The following LRRC4C variants were observed in gnomAD, a reference collection of about 807,000 sequenced individuals.
The protein encoded by LRRC4C is leucine-rich repeat-containing protein 4C.
A neutral mutation model predicts 33.6 loss-of-function variants in LRRC4C; 5 were observed. That is an observed-to-expected ratio of 0.15 (90% CI 0.08 to 0.31). The LOEUF (loss-of-function observed/expected upper bound fraction) is 0.31, where lower values mean the gene tolerates loss of function less well. Among genes scored for constraint, LRRC4C ranks in the 10% least tolerant of loss-of-function variants. The pLI, the probability that LRRC4C is intolerant of heterozygous loss-of-function variation, is 1.00. For missense variants in LRRC4C, 560 were observed against 796.7 expected (o/e 0.70, Z 3.58); for synonymous variants, 329 against 302.0 (o/e 1.09, Z -0.93).
chr11:40,368,516 C>A (rs933278330), intron 3 of LRRC4C, among the ~76,000 whole-genome samples: 3 of 152,118 alleles, frequency 2.0e-5, no homozygotes, highest in African/African-American at 7.2e-5. Flanking sequence ...CTAGACAGTA[C>A]GTTTTATATG....
At chr11:41,286,154 G>A (rs538919399) in intron 1 of LRRC4C, among the ~76,000 whole-genome samples, 42 of 152,140 alleles carry the variant, frequency 2.8e-4, no homozygotes, top group African/African-American at 9.9e-4. Flanking sequence ...AAGAGCAAGA[G>A]GCACAACTTC....
chr11:40,764,842 A>C (rs1025146275), intron 2 of LRRC4C, among the ~76,000 whole-genome samples: 2 of 152,212 alleles, frequency 1.3e-5, no homozygotes, highest in African/African-American at 4.8e-5. Context: ...CCAAGGCAGT[A>C]CGTCTACAAG....
intron 3 of LRRC4C, among the ~76,000 whole-genome samples, chr11:40,337,859 G>T (rs898507174): frequency 2.0e-5 from 3 of 152,070 alleles, no homozygotes; most frequent in African/African-American, 7.2e-5. Flanking sequence ...ATACGCCCCA[G>T]TGTGCGTTCT....
At chr11:40,525,107 A>G (rs1955987041) in intron 3 of LRRC4C, among the ~76,000 whole-genome samples, 1 of 152,142 alleles carries the variant, frequency 6.6e-6, no homozygotes, top group Admixed American at 6.5e-5. Context: ...AAATGAGGGA[A>G]TGAAAGAGAT....
intron 4 of LRRC4C, among the ~76,000 whole-genome samples, chr11:40,246,636 A>G (rs1866361106): frequency 6.6e-6 from 1 of 152,150 alleles, no homozygotes; most frequent in African/African-American, 2.4e-5. Flanking sequence ...AAACTGAAAT[A>G]TATCTTCTGT....
chr11:41,088,192 A>G (rs1374145213), intron 1 of LRRC4C, among the ~76,000 whole-genome samples: 2 of 152,106 alleles, frequency 1.3e-5, no homozygotes, highest in East Asian at 1.9e-4. Flanking sequence ...TTGAGTCCCA[A>G]ATAAGTAATT....
chr11:40,765,275 T>C (rs1265008422), intron 2 of LRRC4C, among the ~76,000 whole-genome samples: 1 of 152,130 alleles, frequency 6.6e-6, no homozygotes, highest in Non-Finnish European at 1.5e-5. Context: ...GTTGTGATTG[T>C]TCAAAAGTGT....
chr11:40,752,940 TA>T lies in LRRC4C; in HGVS notation c.-406-104663del, dbSNP rs548504152. The stretch of plus-strand genomic sequence containing the variant: ...TACACAGTGGAATACTATTTAGCCA[TA>T]AAAAAGAATGGAATTATTTTATTGG... On this transcript the variant is annotated intron_variant, in intron 2 of 6. Coordinates refer to ENST00000528697, the MANE Select transcript of LRRC4C (RefSeq NM_001258419.2). 3.5e-3 allele frequency among the ~76,000 whole-genome samples: 534 copies of T among 152,192 alleles called. 4 individuals are homozygous for T. Among genetic ancestry groups the T allele is most frequent in the African/African-American group, 0.012 (501 of 41,550 alleles).
intron 2 of LRRC4C, among the ~76,000 whole-genome samples, chr11:40,870,141 A>C (rs760869372): frequency 2.0e-5 from 3 of 152,228 alleles, no homozygotes; most frequent in Non-Finnish European, 2.9e-5. Context: ...AAATAAAAAG[A>C]AAACAACAAG....
intron 1 of LRRC4C, among the ~76,000 whole-genome samples, chr11:41,437,180 C>T (rs1411852387): frequency 6.6e-6 from 1 of 152,144 alleles, no homozygotes; most frequent in African/African-American, 2.4e-5. Context: ...TTATCTTCCC[C>T]ACCCTACTTC....
intron 2 of LRRC4C, among the ~76,000 whole-genome samples, chr11:40,670,505 A>G (rs1048047772): frequency 6.6e-6 from 1 of 152,222 alleles, no homozygotes; most frequent in African/African-American, 2.4e-5. Flanking sequence ...TGCCTAAAAT[A>G]TGGACTTTCC....
intron 1 of LRRC4C, among the ~76,000 whole-genome samples, chr11:41,233,644 T>G (rs1287940275): frequency 6.6e-6 from 1 of 152,016 alleles, no homozygotes; most frequent in Non-Finnish European, 1.5e-5. Flanking sequence ...TAATTTAAAT[T>G]TATCTTCAAT....
At chr11:40,702,407 C>T (rs939616212) in intron 2 of LRRC4C, among the ~76,000 whole-genome samples, 3 of 152,126 alleles carry the variant, frequency 2.0e-5, no homozygotes, top group African/African-American at 7.2e-5. Context: ...TGCCACCTCT[C>T]TCCTTTGCTT....
At chr11:40,455,014 T>C (rs1952067073) in intron 3 of LRRC4C, among the ~76,000 whole-genome samples, 1 of 152,084 alleles carries the variant, frequency 6.6e-6, no homozygotes, top group South Asian at 2.1e-4. Context: ...GCCCAAAGCC[T>C]TGGGCATACT....
intron 2 of LRRC4C, among the ~76,000 whole-genome samples, chr11:40,792,587 C>T (rs1251061766): frequency 2.6e-5 from 4 of 151,976 alleles, no homozygotes; most frequent in Non-Finnish European, 5.9e-5. Flanking sequence ...GGCGATTCCT[C>T]AGGGATCTAG....
chr11:40,833,106 T>C (rs1160437616), intron 2 of LRRC4C, among the ~76,000 whole-genome samples: 1 of 152,218 alleles, frequency 6.6e-6, no homozygotes, highest in Admixed American at 6.5e-5. Context: ...GGTTATAATG[T>C]TAGCTAATAG....
chr11:40,655,815 G>A, intron 2 of LRRC4C, among the ~76,000 whole-genome samples: 1 of 152,338 alleles, frequency 6.6e-6, no homozygotes, highest in East Asian at 1.9e-4. Context: ...GACAAAGGAT[G>A]TTTAATTGAC....
At chr11:40,507,171 A>G (rs1590948495) in intron 3 of LRRC4C, among the ~76,000 whole-genome samples, 1 of 152,118 alleles carries the variant, frequency 6.6e-6, no homozygotes, top group Non-Finnish European at 1.5e-5. Context: ...TCCACATAAA[A>G]AGTTAGAATT....
intron 1 of LRRC4C, among the ~76,000 whole-genome samples, chr11:41,271,985 G>A (rs1373781470): frequency 6.6e-6 from 1 of 152,016 alleles, no homozygotes; most frequent in African/African-American, 2.4e-5. Context: ...ATACAAAGAG[G>A]CTAAATGGCT....
Sources: gnomAD v4.1 joint callset for allele counts (sites outside exome capture counted in the v4.1 genomes callset) on GRCh38, gnomAD v4.1.1 for gene constraint, MANE v1.5 for transcripts, NCBI Gene and HGNC (gene_info 2026-07-23, HGNC 2026-07-21) for gene names.